Variants in TENM3 observed in about 807,000 individuals in gnomAD.
TENM3 encodes teneurin transmembrane protein 3.
Under a neutral mutation model 255.1 loss-of-function variants are expected in TENM3, and 63 were observed. The ratio of observed to expected loss-of-function variants is 0.25; its 90% CI spans 0.20 to 0.30. The LOEUF (loss-of-function observed/expected upper bound fraction) is 0.30, where lower values mean the gene tolerates loss of function less well. TENM3 is among the 10% of genes least tolerant of loss of function. The pLI is 1.00. For missense variants in TENM3, 2,929 were observed against 3,461.1 expected (o/e 0.85, Z 3.86); for synonymous variants, 1,306 against 1,322.3 (o/e 0.99, Z 0.27).
chr4:182,330,822 TACAA>T (rs1763700646), intron 2 of TENM3, among the ~76,000 whole-genome samples: 1 of 152,218 alleles, frequency 6.6e-6, no homozygotes, highest in Non-Finnish European at 1.5e-5. Context: ...TCAGAAGCAC[TACAA>T]GAGAAACCTT....
At chr4:181,942,035 G>C in the TENM3 span, among the ~76,000 whole-genome samples, 7,663 of 152,234 alleles carry the variant, frequency 0.05, 267 homozygotes, top group Non-Finnish European at 0.077. Flanking sequence ...AAAAGAGGCA[G>C]CCCTTCCGGT....
intron 1 of TENM3, among the ~76,000 whole-genome samples, chr4:182,299,933 T>G (rs1561296152): frequency 1.3e-5 from 2 of 151,966 alleles, no homozygotes; most frequent in East Asian, 3.9e-4. Flanking sequence ...TTTTTCCTTT[T>G]GAGATGGAGT....
chr4:181,570,056 T>TTCA, the TENM3 span, among the ~76,000 whole-genome samples: 4 of 140,396 alleles, frequency 2.8e-5, no homozygotes, highest in African/African-American at 8.1e-5. Flanking sequence ...TTTTTTTTTT[T>TTCA]GAGACGGAGT....
chr4:181,568,235 C>A, the TENM3 span, among the ~76,000 whole-genome samples: 9 of 149,016 alleles, frequency 6.0e-5, no homozygotes, highest in Non-Finnish European at 1.3e-4. Flanking sequence ...GTAGTCTCAG[C>A]TCACTGCAAC....
At chr4:181,958,658 C>G in the TENM3 span, among the ~76,000 whole-genome samples, 5 of 152,104 alleles carry the variant, frequency 3.3e-5, no homozygotes. Flanking sequence ...GACCTCAAGC[C>G]AGTAATATAC....
chr4:181,847,360 T>C, the TENM3 span, among the ~76,000 whole-genome samples: 2 of 152,214 alleles, frequency 1.3e-5, no homozygotes, highest in Non-Finnish European at 2.9e-5. Flanking sequence ...GGTGCCATAA[T>C]CATATTAAAG....
At chr4:181,600,529 T>C in the TENM3 span, among the ~76,000 whole-genome samples, 1 of 152,176 alleles carries the variant, frequency 6.6e-6, no homozygotes, top group South Asian at 2.1e-4. Flanking sequence ...ACACTTTCCC[T>C]AGCTCCTTGC....
At chr4:181,560,759 C>A in the TENM3 span, among the ~76,000 whole-genome samples, 1 of 152,262 alleles carries the variant, frequency 6.6e-6, no homozygotes, top group East Asian at 1.9e-4. Flanking sequence ...GTTCCCCCAG[C>A]CAGGAAGGTC....
chr4:182,684,021 G>C (rs1449365654), intron 11 of TENM3, among the ~76,000 whole-genome samples: 8 of 151,842 alleles, frequency 5.3e-5, no homozygotes, highest in African/African-American at 1.9e-4. Context: ...GTTGGGAAAG[G>C]GGGAGGCTGA....
At chr4:181,702,401 A>G in the TENM3 span, among the ~76,000 whole-genome samples, 1 of 152,226 alleles carries the variant, frequency 6.6e-6, no homozygotes, top group Non-Finnish European at 1.5e-5. Flanking sequence ...GTTTTTTCTT[A>G]AAAAGAAAAC....
chr4:181,649,051 G>A, the TENM3 span, among the ~76,000 whole-genome samples: 247 of 152,188 alleles, frequency 1.6e-3, 2 homozygotes, highest in Non-Finnish European at 2.4e-4. Context: ...ATTATCATTC[G>A]GGGCAGTATT....
the TENM3 span, among the ~76,000 whole-genome samples, chr4:181,490,274 T>C: frequency 2.6e-5 from 4 of 152,178 alleles, no homozygotes; most frequent in Admixed American, 2.0e-4. Flanking sequence ...TGCAGTTTCA[T>C]GAGGGAATAT....
chr4:182,133,547 A>G, the TENM3 span, among the ~76,000 whole-genome samples: 1 of 152,232 alleles, frequency 6.6e-6, no homozygotes, highest in East Asian at 1.9e-4. Flanking sequence ...TATATAAAAT[A>G]TTAAACAAGA....
chr4:182,158,200 C>A (rs1384611326), intron 1 of TENM3, among the ~76,000 whole-genome samples: 1 of 152,112 alleles, frequency 6.6e-6, no homozygotes, highest in Admixed American at 6.5e-5. Context: ...CCTAGTGTTG[C>A]CAGATTGTGA....
chr4:181,519,425 A>G, the TENM3 span, among the ~76,000 whole-genome samples: 2 of 151,938 alleles, frequency 1.3e-5, no homozygotes, highest in African/African-American at 4.9e-5. Context: ...GTTTGACACT[A>G]AAAGTCTTTT....
At chr4:181,606,494 G>A in the TENM3 span, among the ~76,000 whole-genome samples, 1 of 152,144 alleles carries the variant, frequency 6.6e-6, no homozygotes, top group Non-Finnish European at 1.5e-5. Flanking sequence ...ATGTCTGTGT[G>A]TGTATGTGCA....
the TENM3 span, among the ~76,000 whole-genome samples, chr4:182,057,757 C>T: frequency 1.2e-4 from 19 of 152,046 alleles, no homozygotes; most frequent in South Asian, 3.3e-3. Context: ...ACCTACATGC[C>T]GACTGACCTC....
At chr4:182,285,851 T>G (rs1412793129) in intron 1 of TENM3, among the ~76,000 whole-genome samples, 1 of 147,194 alleles carries the variant, frequency 6.8e-6, no homozygotes, top group Non-Finnish European at 1.5e-5. Context: ...CCACTAACCA[T>G]AAAAAGAAAA....
In TENM3 at chr4:182,681,974, C is replaced by A. The variant is rs1209987936; in HGVS notation, c.1995C>A (p.Cys665Ter). 1 of 1,613,936 alleles carries A rather than the reference C, an allele frequency of 6.2e-7. No homozygotes were observed. The highest frequency in any genetic ancestry group is 1.7e-5 in the Admixed American group (1 of 60,022). Reference protein sequence around the residue: ...HGTYLQESGSCTCDPNWTGPD... With the variant: ...HGTYLQESGS ...CGTATCTTCAAGAAAGTGGCTCCTG[C>A]ACGTGTGACCCTAACTGGACTGGCC... Residue 665 changes from cysteine to a stop codon, truncating the protein, a stop_gained, in exon 11 of 28, where the codon TGC becomes TGA. Coordinates refer to ENST00000511685, the MANE Select transcript of TENM3 (RefSeq NM_001080477.4). LOFTEE classifies it high-confidence loss of function.
Sources: allele counts gnomAD v4.1 joint callset (sites outside exome capture counted in the v4.1 genomes callset), GRCh38; gene constraint gnomAD v4.1.1; transcripts MANE v1.5; gene names NCBI Gene and HGNC (gene_info 2026-07-23, HGNC 2026-07-21).